The following LIAS variants were observed in gnomAD, a reference collection of about 807,000 sequenced individuals.
LIAS encodes the protein lipoyl synthase, mitochondrial.
Under a neutral mutation model 49.4 loss-of-function variants are expected in LIAS, and 36 were observed. The ratio of observed to expected loss-of-function variants is 0.73; its 90% confidence interval spans 0.56 to 0.96. The LOEUF is 0.96. Among genes scored for constraint, LIAS ranks in the 40% least tolerant of loss-of-function variants. The probability of loss-of-function intolerance (pLI) is 0.00; values close to 1 mark genes in which losing one functional copy is unlikely to be tolerated. For missense variants in LIAS, 399 were observed against 456.3 expected, an observed-to-expected ratio of 0.87 and a Z score of 1.14; for synonymous variants, 145 against 155.8, an observed-to-expected ratio of 0.93 and a Z score of 0.52.
intron 6 of LIAS, 54 bp from the exon 7 acceptor site, chr4:39,467,464 A>C: frequency 6.7e-7 from 1 of 1,485,568 alleles, no homozygotes; most frequent in Non-Finnish European, 9.0e-7. Context: ...TATTTTGAGG[A>C]ACAGGTATGT....
intron 10 of LIAS, chr4:39,475,823 G>A (rs1745176246): frequency 6.6e-6 from 1 of 152,282 alleles, no homozygotes; most frequent in South Asian, 2.1e-4. Flanking sequence ...GCTGCAGTGA[G>A]CTGTGATCGT....
At chr4:39,464,801 C>T (rs1294574975) in intron 4 of LIAS, among the ~76,000 whole-genome samples, 3 of 152,082 alleles carry the variant, frequency 2.0e-5, no homozygotes, top group Admixed American at 1.3e-4. Flanking sequence ...TTAAATTTTG[C>T]GTCCTTTCCT....
Position 39,465,213 on chromosome 4 carries a change from C to T in LIAS, c.550+11C>T, listed in dbSNP as rs2109875579. 2.5e-6 allele frequency: 4 copies of T among 1,612,732 alleles called. No individual in the cohort carries two copies. Among genetic ancestry groups the T allele is most frequent in the Non-Finnish European group, 2.5e-6 (3 of 1,179,094 alleles). The stretch of plus-strand genomic sequence containing the variant: ...CTGTGGATCGAGATGGTTAGTGTGT[C>T]ATCATGGCCTCTACCAGAAACTGGC... On this transcript the variant is annotated intron_variant, in intron 5 of 10. Transcript: ENST00000640888.
chr4:39,477,170 A>G lies in LIAS; in HGVS notation c.*55A>G, dbSNP rs1158887508. Reference sequence around the variant, plus strand: ...AATTTTTAAAATTTGATTCCAGTTAATAACAGAGGTGGTGCCAGAATGCCT... The same window carrying G: ...AATTTTTAAAATTTGATTCCAGTTAGTAACAGAGGTGGTGCCAGAATGCCT... On this transcript the variant is annotated 3_prime_UTR_variant, in exon 11 of 11. Transcript: ENST00000640888. The G allele has an allele frequency of 5.1e-6, 7 of 1,362,482 alleles. No homozygotes were observed. Among genetic ancestry groups the G allele is most frequent in the South Asian group, 1.3e-5 (1 of 79,750 alleles). 84.4% of individuals were successfully genotyped at this position (1,362,482 alleles called of 1,614,324 possible). A position where few individuals can be genotyped will look rare whatever the true frequency, so the allele number is the denominator to read the frequency against.
rs748919573 is a variant in LIAS, at chr4:39,459,073, T to C, written c.-45T>C. On this transcript the variant is annotated 5_prime_UTR_variant, in exon 1 of 11. Transcript: ENST00000640888. ...ATTTCGACCTGTCCTTTCCCGGGAG[T>C]TAGCGATCCCTCAACCCCTGCACTG... is the stretch of plus-strand genomic sequence containing the variant. The C allele has an allele frequency of 4.3e-6, 7 of 1,610,182 alleles. No homozygotes were observed. The Admixed American group carries it at 1.2e-4, about 27-fold the overall frequency.
chr4:39,473,243 A>T, intron 10 of LIAS, 32 bp downstream of exon 10: 3 of 1,347,740 alleles, frequency 2.2e-6, no homozygotes, highest in African/African-American at 1.4e-5. Context: ...GGTTTCATTT[A>T]GGCCGTTAAC....
chr4:39,467,073 C>T (rs1177565215), intron 6 of LIAS: 1 of 152,120 alleles, frequency 6.6e-6, no homozygotes, highest in Non-Finnish European at 1.5e-5. Context: ...GGGAGGAGAG[C>T]ATGATTTGAT....
rs1222402738 is a variant in LIAS at position 39,478,015 on chromosome 4, A to G, written c.*900A>G. 6.6e-6 allele frequency: 1 copy of G among 152,206 alleles called. No homozygotes were observed. The highest frequency in any genetic ancestry group is 1.5e-5 in the Non-Finnish European group (1 of 68,044). 9.4% of individuals were successfully genotyped at this position (152,206 alleles called of 1,614,324 possible). On this transcript the variant is annotated 3_prime_UTR_variant, in exon 11 of 11. Coordinates refer to ENST00000640888, the MANE Select transcript of LIAS (RefSeq NM_006859.4). ...CCAAAAACTTCCAGAAGATTTTCCA[A>G]TCCACTGTTAACATCATTACATTTC... is the stretch of plus-strand genomic sequence containing the variant.
chr4:39,477,388 G>C lies in LIAS; in HGVS notation c.*273G>C, dbSNP rs1745232009. On this transcript the variant is annotated 3_prime_UTR_variant, in exon 11 of 11. Coordinates refer to ENST00000640888, the MANE Select transcript of LIAS (RefSeq NM_006859.4). ...CACTAAAAACACAAAAATTAGTCAG[G>C]CGTGGTAGTGGGTGCCTGTAATCCC... The C allele has an allele frequency of 3.4e-6, 1 of 294,446 alleles. No individual in the cohort carries two copies. Among genetic ancestry groups the C allele is most frequent in the Non-Finnish European group, 6.3e-6 (1 of 159,908 alleles). The allele number at this position is 294,446 out of a possible 1,614,324, so 18.2% of individuals were successfully genotyped here.
chr4:39,461,079 A>C, intron 2 of LIAS, 117 bp downstream of exon 2: 1 of 833,512 alleles, frequency 1.2e-6, no homozygotes, highest in Non-Finnish European at 1.8e-6. Flanking sequence ...TTAGCTAAAA[A>C]TCATTAGAAA....
Position 39,479,120 on chromosome 4 carries a change from G to T in LIAS, c.*2005G>T, listed in dbSNP as rs1268903485. ...AGCTATTTGGGAGGCTGAGGCAGGA[G>T]AATCACTTGAACCTGACAGGCAGAG... On this transcript the variant is annotated 3_prime_UTR_variant, in exon 11 of 11. Coordinates refer to ENST00000640888, the MANE Select transcript of LIAS (RefSeq NM_006859.4). 2 of 152,234 alleles carry T rather than the reference G, an allele frequency of 1.3e-5. No individual in the cohort carries two copies. The highest frequency in any genetic ancestry group is 4.8e-5 in the African/African-American group (2 of 41,454). 9.4% of individuals were successfully genotyped at this position (152,234 alleles called of 1,614,324 possible).
rs1325576276 is a variant in LIAS, at chr4:39,479,254, G to A, written c.*2139G>A. 6.6e-6 allele frequency: 1 copy of A among 151,904 alleles called. No homozygotes were observed. The highest frequency in any genetic ancestry group is 2.4e-5 in the African/African-American group (1 of 41,334). The allele number at this position is 151,904 out of a possible 1,614,324, so 9.4% of individuals were successfully genotyped here. ...CATGGGCCGGGCATGGTGGCTTAAT[G>A]CCTGTAATTCCAACGTTTTGGGAGG... On this transcript the variant is annotated 3_prime_UTR_variant, in exon 11 of 11. Transcript: ENST00000640888.
intron 9 of LIAS, 34 bp downstream of exon 9, chr4:39,471,340 TTTTA>T: frequency 6.5e-7 from 1 of 1,534,930 alleles, no homozygotes; most frequent in Non-Finnish European, 8.9e-7. Context: ...TTTTTTTTTT[TTTTA>T]TTTTTAAAGA....
Position 39,478,082 on chromosome 4 carries a change from AAC to A in LIAS, c.*969_*970del, listed in dbSNP as rs1159653217. 6.6e-6 allele frequency: 1 copy of A among 152,264 alleles called. No individual in the cohort carries two copies. Among genetic ancestry groups the A allele is most frequent in the Non-Finnish European group, 1.5e-5 (1 of 68,044 alleles). 9.4% of individuals were successfully genotyped at this position (152,264 alleles called of 1,614,324 possible). Reference sequence around the variant, plus strand: ...AACTTCATTTATGTTACTGTGATGAAACAGTCAACATAGATTGAAACTCATCA... The same window carrying A: ...AACTTCATTTATGTTACTGTGATGAAAGTCAACATAGATTGAAACTCATCA... On this transcript the variant is annotated 3_prime_UTR_variant, in exon 11 of 11. Transcript: ENST00000640888.
At chr4:39,465,683 T>TG (rs1744729133) in intron 6 of LIAS, among the ~76,000 whole-genome samples, 2 of 147,348 alleles carry the variant, frequency 1.4e-5, no homozygotes, top group Non-Finnish European at 3.0e-5. Context: ...TTTTTTTTTT[T>TG]GAGATGGAGT....
chr4:39,463,767 T>G, intron 4 of LIAS, 162 bp downstream of exon 4: 1 of 1,293,594 alleles, frequency 7.7e-7, no homozygotes. Context: ...TAATCCAACC[T>G]GTTGTAATCT....
rs1560675222 is a variant in LIAS at position 39,477,484 on chromosome 4, GCTCCATTGCC to G, written c.*375_*384del. ...GGGGAGGTTGCAGTGAGCCAAGATC[GCTCCATTGCC>G]CTCCAGCCTGGGTGACAAGAGCAAA... On this transcript the variant is annotated 3_prime_UTR_variant, in exon 11 of 11. Transcript: ENST00000640888. 2 of 176,742 alleles carry G rather than the reference GCTCCATTGCC, an allele frequency of 1.1e-5. No homozygotes were observed. Among genetic ancestry groups the G allele is most frequent in the African/African-American group, 4.8e-5 (2 of 41,690 alleles). 10.9% of individuals were successfully genotyped at this position (176,742 alleles called of 1,614,324 possible).
At chr4:39,471,048 G>A (rs1301336185) in intron 8 of LIAS, among the ~76,000 whole-genome samples, 188 bp from the exon 9 acceptor site, 1 of 151,956 alleles carries the variant, frequency 6.6e-6, no homozygotes, top group African/African-American at 2.4e-5. Flanking sequence ...AATTATTATT[G>A]TTTTCAGTCC....
chr4:39,466,215 A>G (rs1035891790), intron 6 of LIAS: 2 of 152,084 alleles, frequency 1.3e-5, no homozygotes, highest in African/African-American at 4.8e-5. Context: ...ACCTCAACCA[A>G]TACTCCTGCC....
Sources: gnomAD v4.1 joint callset for allele counts (sites outside exome capture counted in the v4.1 genomes callset) on GRCh38, gnomAD v4.1.1 for gene constraint, MANE v1.5 for transcripts, NCBI Gene and HGNC (gene_info 2026-07-23, HGNC 2026-07-21) for gene names.